PUDP: variants seen among roughly 807,000 people sequenced by gnomAD.
PUDP encodes the protein pseudouridine-5'-phosphatase.
In PUDP, 8 loss-of-function variants were observed where a neutral mutation model predicts 9.4. That is an observed-to-expected ratio of 0.85 (90% CI 0.50 to 1.53). PUDP has a LOEUF of 1.53. Among genes scored for constraint, PUDP ranks in the 40% most tolerant of loss-of-function variants. The pLI is 0.00. For synonymous variants in PUDP, 99 were observed against 80.7 expected (o/e 1.23, Z -1.22); for missense variants, 188 against 189.7 (o/e 0.99, Z 0.05).
At chrX:6,790,084 T>C (rs1220155174) in intron 3 of PUDP, among the ~76,000 whole-genome samples, 1 of 110,889 alleles carries the variant, frequency 9.0e-6, no homozygotes, top group Non-Finnish European at 1.9e-5. Flanking sequence ...AGAAGATATA[T>C]AGACAGATGA....
chrX:6,785,353 T>C (rs73627091), intron 3 of PUDP, among the ~76,000 whole-genome samples: 1,576 of 112,473 alleles, frequency 0.014, 28 homozygotes, highest in African/African-American at 0.048. Flanking sequence ...ATGCTTTCCA[T>C]ACAGGTAAGA....
chrX:6,796,619 A>G (rs1168166048), intron 3 of PUDP, among the ~76,000 whole-genome samples: 1 of 112,300 alleles, frequency 8.9e-6, no homozygotes. Flanking sequence ...ATCACCGGAT[A>G]GTCCAATTCT....
chrX:6,893,396 A>ATG (rs1927543641), intron 3 of PUDP, among the ~76,000 whole-genome samples: 1 of 111,715 alleles, frequency 9.0e-6, no homozygotes, highest in East Asian at 2.8e-4. Flanking sequence ...ACTGTCACTG[A>ATG]TGTGTTATTG....
chrX:7,090,706 T>G (rs1015887786), intron 2 of PUDP, among the ~76,000 whole-genome samples: 1 of 111,775 alleles, frequency 8.9e-6, no homozygotes, highest in Non-Finnish European at 1.9e-5. Flanking sequence ...TTTGATCATA[T>G]GCCTCACATC....
chrX:7,024,151 C>A (rs927671242), intron 1 of PUDP, among the ~76,000 whole-genome samples: 4 of 111,819 alleles, frequency 3.6e-5, no homozygotes, highest in African/African-American at 1.3e-4. Context: ...GGCTTTACCA[C>A]CTCTTTTCTA....
At chrX:6,887,197 ATATT>A (rs1482103369) in intron 3 of PUDP, among the ~76,000 whole-genome samples, 3 of 105,941 alleles carry the variant, frequency 2.8e-5, no homozygotes, top group East Asian at 2.8e-4. Flanking sequence ...ATAATTAAAT[ATATT>A]TATTTACAAA....
chrX:6,867,609 T>C (rs939336664), intron 3 of PUDP, among the ~76,000 whole-genome samples: 5 of 110,399 alleles, frequency 4.5e-5, no homozygotes, highest in Admixed American at 9.7e-5. Flanking sequence ...TTGTTGGTGA[T>C]GGTGATGTTG....
intron 1 of PUDP, among the ~76,000 whole-genome samples, chrX:7,037,027 GTTC>G (rs1389383703): frequency 1.3e-4 from 14 of 111,903 alleles, no homozygotes; most frequent in Non-Finnish European, 2.3e-4. Context: ...ATCATGTTCT[GTTC>G]TTCTTTTTTC....
intron 1 of PUDP, among the ~76,000 whole-genome samples, chrX:7,116,267 G>T (rs1294775264): frequency 1.8e-5 from 2 of 111,416 alleles, no homozygotes; most frequent in Non-Finnish European, 3.8e-5. Flanking sequence ...CATGGGATTG[G>T]CTTGGGAAAC....
At chrX:6,959,716 C>T (rs901502503) in intron 3 of PUDP, among the ~76,000 whole-genome samples, 2 of 112,063 alleles carry the variant, frequency 1.8e-5, no homozygotes, top group African/African-American at 6.5e-5. Context: ...GGCGCCTGAC[C>T]CCAACTCATC....
chrX:6,973,047 G>T lies in PUDP; in HGVS notation c.*247+4086C>A, dbSNP rs775355266. 1.9e-4 allele frequency among the ~76,000 whole-genome samples: 21 copies of T among 111,908 alleles called. No homozygotes were observed. In the South Asian group the frequency reaches 7.1e-3, roughly 38 times the overall value. ...TAGTTTGTATTTCTGTGGGATCAGT[G>T]GTGATATCCTCTTTGTAATTTTTTA... On this transcript the variant is annotated intron_variant and NMD_transcript_variant, in intron 3 of 3. Coordinates refer to the PUDP transcript ENST00000655425.
chrX:6,855,639 C>T (rs914252105), intron 3 of PUDP, among the ~76,000 whole-genome samples: 6 of 111,755 alleles, frequency 5.4e-5, no homozygotes, highest in African/African-American at 1.3e-4. Flanking sequence ...AAAATGTAGT[C>T]GGGGGAACAA....
At chrX:6,788,963 T>G (rs1203588482) in intron 3 of PUDP, among the ~76,000 whole-genome samples, 1 of 111,555 alleles carries the variant, frequency 9.0e-6, no homozygotes, top group Non-Finnish European at 1.9e-5. Context: ...GGAAGAGCCA[T>G]GCAGATGCAG....
intron 3 of PUDP, among the ~76,000 whole-genome samples, chrX:6,879,435 TACACACACACACACAC>T (rs753425131): frequency 9.8e-6 from 1 of 102,059 alleles, no homozygotes; most frequent in Non-Finnish European, 2.0e-5. Context: ...ACAGCACAAT[TACACACACACACACAC>T]ACACACACAC....
At chrX:6,891,914 C>T (rs1276544514) in intron 3 of PUDP, among the ~76,000 whole-genome samples, 1 of 111,771 alleles carries the variant, frequency 8.9e-6, no homozygotes, top group African/African-American at 3.2e-5. Flanking sequence ...AGTCAACTTC[C>T]TCATCAGTTT....
chrX:6,978,550 T>C (rs944600284), intron 1 of PUDP, among the ~76,000 whole-genome samples: 4 of 112,155 alleles, frequency 3.6e-5, no homozygotes, highest in Non-Finnish European at 7.5e-5. Flanking sequence ...TTGACTCTAT[T>C]AGGTCAAAGG....
chrX:6,954,468 C>G (rs1299072341), intron 3 of PUDP, among the ~76,000 whole-genome samples: 1 of 111,082 alleles, frequency 9.0e-6, no homozygotes, highest in East Asian at 2.9e-4. Context: ...GCTTTTACCC[C>G]TCTTGTGGTC....
intron 2 of PUDP, among the ~76,000 whole-genome samples, chrX:7,089,880 G>C (rs1398077142): frequency 1.8e-5 from 2 of 112,035 alleles, no homozygotes; most frequent in African/African-American, 6.5e-5. Context: ...TGAAAGAAAA[G>C]AGGGGGTAAC....
chrX:6,994,719 T>C (rs1490225026), intron 1 of PUDP, among the ~76,000 whole-genome samples: 1 of 111,939 alleles, frequency 8.9e-6, no homozygotes, highest in African/African-American at 3.2e-5. Flanking sequence ...ACAGAAGAGA[T>C]ATGACAAACG....
Sources: allele counts gnomAD v4.1 joint callset (sites outside exome capture counted in the v4.1 genomes callset), GRCh38; gene constraint gnomAD v4.1.1; transcripts MANE v1.5; gene names NCBI Gene and HGNC (gene_info 2026-07-23, HGNC 2026-07-21).